Variants in CADPS observed in about 807,000 individuals in gnomAD.
CADPS encodes calcium-dependent secretion activator 1.
A neutral mutation model predicts 167.3 loss-of-function variants in CADPS; 57 were observed. The ratio of observed to expected loss-of-function variants is 0.34; its 90% confidence interval spans 0.28 to 0.42. The LOEUF is 0.42. CADPS is among the 20% of genes least tolerant of loss of function. The pLI is 1.00. For synonymous variants in CADPS, 676 were observed against 635.3 expected, an observed-to-expected ratio of 1.06 and a Z score of -0.96; for missense variants, 1,414 against 1,738.1, an observed-to-expected ratio of 0.81 and a Z score of 3.32.
chr3:62,805,181 C>T (rs1290338216), intron 1 of CADPS, among the ~76,000 whole-genome samples: 1 of 152,090 alleles, frequency 6.6e-6, no homozygotes, highest in East Asian at 1.9e-4. Flanking sequence ...CAGAATGTTC[C>T]CTGGAATGGG....
intron 4 of CADPS, among the ~76,000 whole-genome samples, chr3:62,655,837 T>G (rs2071417165): frequency 6.6e-6 from 1 of 152,038 alleles, no homozygotes; most frequent in Non-Finnish European, 1.5e-5. Flanking sequence ...ATGTGTCAGG[T>G]TGGTATGGCT....
chr3:62,549,453 T>TG (rs994667046), intron 11 of CADPS, among the ~76,000 whole-genome samples: 15 of 151,096 alleles, frequency 9.9e-5, no homozygotes, highest in Admixed American at 8.6e-4. Flanking sequence ...TTGTGTTTTT[T>TG]TTTTTTTTTT....
intron 28 of CADPS, among the ~76,000 whole-genome samples, chr3:62,419,579 A>G (rs1456497681): frequency 2.0e-5 from 3 of 152,164 alleles, no homozygotes; most frequent in Non-Finnish European, 1.5e-5. Flanking sequence ...ATTTATCTGA[A>G]AACTATTCTC....
At chr3:62,720,148 G>T (rs922347558) in intron 3 of CADPS, among the ~76,000 whole-genome samples, 2 of 152,108 alleles carry the variant, frequency 1.3e-5, no homozygotes, top group Non-Finnish European at 2.9e-5. Context: ...TCATGGAAGA[G>T]CTGAATCCAA....
At chr3:62,415,827 C>T (rs375702971) in intron 28 of CADPS, among the ~76,000 whole-genome samples, 6 of 152,244 alleles carry the variant, frequency 3.9e-5, no homozygotes, top group East Asian at 1.9e-4. Flanking sequence ...GATGGCAATG[C>T]GAAGTGACAA....
intron 9 of CADPS, among the ~76,000 whole-genome samples, chr3:62,565,413 G>T (rs1035342661): frequency 2.0e-5 from 3 of 152,142 alleles, no homozygotes; most frequent in African/African-American, 7.2e-5. Context: ...TTCACTTTAA[G>T]CGGGATAATG....
chr3:62,408,029 CT>C (rs1309527216), intron 28 of CADPS, among the ~76,000 whole-genome samples: 106 of 152,332 alleles, frequency 7.0e-4, no homozygotes, highest in Non-Finnish European at 3.2e-4. Flanking sequence ...GCCACTGCCC[CT>C]GGCCCATGGA....
rs182410667 is a variant in CADPS at position 62,671,876 on chromosome 3, C to T, written c.889-9482G>A. Among the ~76,000 whole-genome samples, 278 of 152,288 alleles carry T rather than the reference C, an allele frequency of 1.8e-3. 2 individuals carry two copies. The highest frequency in any genetic ancestry group is 6.5e-3 in the African/African-American group (270 of 41,554). On this transcript the variant is annotated intron_variant, in intron 3 of 29. Coordinates refer to ENST00000383710, the MANE Select transcript of CADPS (RefSeq NM_003716.4). ...CTCCCAAGTTAAAGTGATTATCCTG[C>T]CTCAGCCTCCCAAGAAGCTGGGACT...
intron 1 of CADPS, among the ~76,000 whole-genome samples, chr3:62,782,761 CTTTT>C (rs1191068833): frequency 2.2e-5 from 3 of 138,826 alleles, no homozygotes; most frequent in Non-Finnish European, 3.1e-5. Flanking sequence ...GCATTTCTTT[CTTTT>C]TTTTTTTTTT....
intron 1 of CADPS, among the ~76,000 whole-genome samples, chr3:62,793,276 T>C (rs2093111875): frequency 7.4e-6 from 1 of 134,368 alleles, no homozygotes; most frequent in Non-Finnish European, 1.5e-5. Flanking sequence ...ACTATTTATT[T>C]AAAATATGGT....
intron 3 of CADPS, among the ~76,000 whole-genome samples, chr3:62,733,780 T>A (rs200898060): frequency 0.095 from 14,524 of 152,126 alleles, 877 homozygotes; most frequent in African/African-American, 0.16. Context: ...GAGATGCTGG[T>A]GCTCCTGTCA....
Position 62,601,092 on chromosome 3 carries a change from A to G in CADPS, c.1326-8344T>C, listed in dbSNP as rs1562742797. Among the ~76,000 whole-genome samples, 1 of 152,220 alleles carries G rather than the reference A, an allele frequency of 6.6e-6. No homozygotes were observed. On this transcript the variant is annotated intron_variant, in intron 6 of 29. Coordinates refer to ENST00000383710, the MANE Select transcript of CADPS (RefSeq NM_003716.4). The surrounding 1 kb of genome is among the most constrained non-coding windows in gnomAD (Gnocchi z 4.3). ...AAATGTAAGTCTTCATTTTAGGATTATAGACCAGGGGTTGTTAAACTATGG... is the reference window on the plus strand; with the variant it reads ...AAATGTAAGTCTTCATTTTAGGATTGTAGACCAGGGGTTGTTAAACTATGG...
intron 3 of CADPS, among the ~76,000 whole-genome samples, chr3:62,750,331 A>G: frequency 7.4e-6 from 1 of 134,976 alleles, no homozygotes; most frequent in Admixed American, 8.4e-5. Flanking sequence ...ACCCTGAGTG[A>G]CAGAGTGAGA....
At chr3:62,648,567 A>T (rs1293996090) in intron 5 of CADPS, among the ~76,000 whole-genome samples, 1 of 151,820 alleles carries the variant, frequency 6.6e-6, no homozygotes, top group Non-Finnish European at 1.5e-5. Flanking sequence ...CTGTAGTCCC[A>T]GCTACTTGGG....
At chr3:62,676,172 C>A (rs191267331) in intron 3 of CADPS, among the ~76,000 whole-genome samples, 1 of 152,166 alleles carries the variant, frequency 6.6e-6, no homozygotes, top group East Asian at 1.9e-4. Flanking sequence ...TAAAATGATG[C>A]CTTTCAACAA....
intron 3 of CADPS, among the ~76,000 whole-genome samples, chr3:62,740,397 A>G (rs937244638): frequency 2.0e-5 from 3 of 152,222 alleles, no homozygotes; most frequent in Non-Finnish European, 4.4e-5. Flanking sequence ...TTAATGCCCC[A>G]TGAGCCATGG....
Position 62,399,371 on chromosome 3 carries a change from G to T in CADPS, c.*35C>A. The T allele has an allele frequency of 6.2e-7, 1 of 1,602,800 alleles. No individual in the cohort carries two copies. The highest frequency in any genetic ancestry group is 8.5e-7 in the Non-Finnish European group (1 of 1,170,092). ...AGACTAAGGACATGCACTGATTACA[G>T]GACTCTGTCCCAGCAGACTCTAGGA... On this transcript the variant is annotated 3_prime_UTR_variant, in exon 30 of 30. Transcript: ENST00000383710. The surrounding 1 kb of genome is among the most constrained non-coding windows in gnomAD (Gnocchi z 5.6).
At chr3:62,483,314 G>A (rs1025333081) in intron 21 of CADPS, among the ~76,000 whole-genome samples, 5 of 134,906 alleles carry the variant, frequency 3.7e-5, no homozygotes, top group African/African-American at 1.4e-4. Flanking sequence ...AAGTGGGGGA[G>A]TAGGGGAGTA....
chr3:62,692,740 TAC>T (rs1429347007), intron 3 of CADPS, among the ~76,000 whole-genome samples: 1 of 152,064 alleles, frequency 6.6e-6, no homozygotes, highest in African/African-American at 2.4e-5. Flanking sequence ...ACTCCTGTAA[TAC>T]ACAGCCCAAA....
Sources: allele counts gnomAD v4.1 joint callset (sites outside exome capture counted in the v4.1 genomes callset), GRCh38; gene constraint gnomAD v4.1.1; non-coding constraint Gnocchi (gnomAD v3.1); transcripts MANE v1.5; gene names NCBI Gene and HGNC (gene_info 2026-07-23, HGNC 2026-07-21).